SLC9B1: variants seen among roughly 807,000 people sequenced by gnomAD.
The protein encoded by SLC9B1 is sodium/hydrogen exchanger 9B1.
SLC9B1 carries 32 observed loss-of-function variants against 51.7 expected under a neutral mutation model. The observed-to-expected ratio is 0.62, with a 90% CI of 0.47 to 0.83. The LOEUF (loss-of-function observed/expected upper bound fraction) is 0.83, where lower values mean the gene tolerates loss of function less well. Among genes scored for constraint, SLC9B1 ranks in the 40% least tolerant of loss-of-function variants. The probability of loss-of-function intolerance (pLI) is 0.00; values close to 1 mark genes in which losing one functional copy is unlikely to be tolerated. For synonymous variants in SLC9B1, 145 were observed against 212.7 expected (o/e 0.68, Z 2.77); for missense variants, 406 against 613.2 (o/e 0.66, Z 3.57).
At chr4:102,956,742 A>C (rs1737833728) in intron 3 of SLC9B1, among the ~76,000 whole-genome samples, 1 of 152,242 alleles carries the variant, frequency 6.6e-6, no homozygotes, top group Admixed American at 6.5e-5. Context: ...ATCACAAATA[A>C]AAACCAAATC....
intron 3 of SLC9B1, among the ~76,000 whole-genome samples, chr4:102,972,587 G>A (rs1017742478): frequency 6.6e-6 from 1 of 152,116 alleles, no homozygotes; most frequent in Admixed American, 6.5e-5. Context: ...TATAAAAAAA[G>A]CAGATCATTT....
At chr4:102,888,957 T>TAAGA (rs1013899311) in intron 11 of SLC9B1, 1 of 152,262 alleles carries the variant, frequency 6.6e-6, no homozygotes, top group South Asian at 2.1e-4. Context: ...TTTCTTTTTA[T>TAAGA]AAGAATGTAC....
In SLC9B1 at chr4:102,949,247, A is replaced by T; in HGVS notation, c.382+10T>A. The T allele has an allele frequency of 6.4e-7, 1 of 1,551,774 alleles. No homozygotes were observed. ...AATAATAAAGAAAAGAGAGCTAATTATATACTTACCAAGAAGAGGTGGAAG... is the reference window on the plus strand; with the variant it reads ...AATAATAAAGAAAAGAGAGCTAATTTTATACTTACCAAGAAGAGGTGGAAG... On this transcript the variant is annotated intron_variant, in intron 4 of 11. Coordinates refer to ENST00000296422, the MANE Select transcript of SLC9B1 (RefSeq NM_139173.4).
At chr4:102,944,539 T>C (rs1322127140) in intron 6 of SLC9B1, among the ~76,000 whole-genome samples, 1 of 152,258 alleles carries the variant, frequency 6.6e-6, no homozygotes, top group Non-Finnish European at 1.5e-5. Context: ...TAAACATTAA[T>C]TTAAGAATTC....
At chr4:102,981,287 T>C (rs1025551745) in intron 3 of SLC9B1, among the ~76,000 whole-genome samples, 1 of 152,162 alleles carries the variant, frequency 6.6e-6, no homozygotes, top group Non-Finnish European at 1.5e-5. Context: ...TTGATAATTA[T>C]CAATAAGGTT....
At chr4:103,007,591 CT>C (rs58447131) in intron 1 of SLC9B1, among the ~76,000 whole-genome samples, 2,573 of 107,648 alleles carry the variant, frequency 0.024, 69 homozygotes, top group African/African-American at 0.087. Flanking sequence ...CTCTTGTCAT[CT>C]TTTTTTTTTT....
At chr4:102,972,579 T>TA (rs1000578280) in intron 3 of SLC9B1, among the ~76,000 whole-genome samples, 3 of 152,012 alleles carry the variant, frequency 2.0e-5, no homozygotes, top group African/African-American at 7.2e-5. Context: ...GGCAAAACTA[T>TA]AAAAAAAGCA....
intron 1 of SLC9B1, among the ~76,000 whole-genome samples, chr4:103,010,724 G>A (rs1215583983): frequency 1.3e-5 from 2 of 152,120 alleles, no homozygotes; most frequent in Non-Finnish European, 2.9e-5. Flanking sequence ...ACAGAAGGGC[G>A]AAAAGGGGCT....
At chr4:102,939,955 G>A (rs1736908056) in intron 6 of SLC9B1, among the ~76,000 whole-genome samples, 1 of 152,144 alleles carries the variant, frequency 6.6e-6, no homozygotes, top group Admixed American at 6.5e-5. Context: ...AGACAAGGAT[G>A]CCCACTCTCA....
chr4:102,973,451 G>A (rs574702575), intron 3 of SLC9B1, among the ~76,000 whole-genome samples: 135 of 152,194 alleles, frequency 8.9e-4, no homozygotes, highest in African/African-American at 3.0e-3. Context: ...CCTCAACCTT[G>A]AAGAAACTTA....
In SLC9B1 at chr4:102,946,659, T is replaced by C; in HGVS notation, c.513A>G (p.Gly171=). The change falls in exon 5 of 12, where the codon GGA becomes GGG. Residue 171 remains glycine, a synonymous_variant. Coordinates refer to ENST00000296422, the MANE Select transcript of SLC9B1 (RefSeq NM_139173.4). ...ATTGTAAATCTACCTGTGGATCGAG[T>C]CCAAGCCCAGCTCTTATTAGAATAA... ...LTIILIRAGL[G]LDPQALRHLK... is the part of the protein sequence containing the mutation. The C allele has an allele frequency of 6.2e-7, 1 of 1,606,678 alleles. No individual in the cohort carries two copies. The highest frequency in any genetic ancestry group is 2.3e-4 in the Middle Eastern group (1 of 4,422).
chr4:102,961,939 T>C (rs1056177639), intron 3 of SLC9B1: 9 of 241,802 alleles, frequency 3.7e-5, no homozygotes, highest in Admixed American at 1.0e-4. Context: ...TGGGGCTAAA[T>C]GCTGTGTATT....
At chr4:102,961,013 T>G (rs967045819) in intron 3 of SLC9B1, among the ~76,000 whole-genome samples, 1 of 152,218 alleles carries the variant, frequency 6.6e-6, no homozygotes. Flanking sequence ...ATTACAGGCA[T>G]GAGCCACCGT....
At chr4:102,956,663 C>T (rs1578379068) in intron 3 of SLC9B1, among the ~76,000 whole-genome samples, 1 of 152,236 alleles carries the variant, frequency 6.6e-6, no homozygotes, top group East Asian at 1.9e-4. Context: ...CTGCTGAAAA[C>T]CACTGGGCAG....
intron 1 of SLC9B1, among the ~76,000 whole-genome samples, chr4:102,995,196 G>T (rs1740151050): frequency 6.6e-6 from 1 of 152,150 alleles, no homozygotes; most frequent in South Asian, 2.1e-4. Flanking sequence ...AGGCAAAGCA[G>T]CCAATCAAAA....
chr4:102,945,948 G>C (rs2110473184), intron 5 of SLC9B1, among the ~76,000 whole-genome samples: 1 of 152,012 alleles, frequency 6.6e-6, no homozygotes, highest in Admixed American at 6.5e-5. Context: ...TTTAAGAAAT[G>C]CTTTAAAAGA....
At chr4:102,907,280 T>C (rs1272985977) in intron 9 of SLC9B1, among the ~76,000 whole-genome samples, 1 of 152,184 alleles carries the variant, frequency 6.6e-6, no homozygotes, top group Admixed American at 6.5e-5. Flanking sequence ...AACTACATCA[T>C]GCCTGATGAG....
intron 3 of SLC9B1, among the ~76,000 whole-genome samples, chr4:102,955,899 A>AAGAAAG (rs199714147): frequency 1.2e-3 from 127 of 107,926 alleles, no homozygotes; most frequent in East Asian, 6.4e-3. Flanking sequence ...GAAAGAAAGA[A>AAGAAAG]AGAGAGAGAA....
At chr4:102,912,991 T>C (rs1735409749) in intron 7 of SLC9B1, among the ~76,000 whole-genome samples, 1 of 152,240 alleles carries the variant, frequency 6.6e-6, no homozygotes, top group Non-Finnish European at 1.5e-5. Flanking sequence ...AAAGCCTTTA[T>C]GGAGTTCCAT....
Sources: gnomAD v4.1 joint callset for allele counts (sites outside exome capture counted in the v4.1 genomes callset) on GRCh38, gnomAD v4.1.1 for gene constraint, MANE v1.5 for transcripts, NCBI Gene and HGNC (gene_info 2026-07-23, HGNC 2026-07-21) for gene names.